Variants in KIRREL3 observed in about 807,000 individuals in gnomAD.
KIRREL3 encodes kin of IRRE-like protein 3.
Under a neutral mutation model 89.7 loss-of-function variants are expected in KIRREL3, and 36 were observed. The observed-to-expected ratio is 0.40, with a 90% CI of 0.31 to 0.53. KIRREL3 has a LOEUF of 0.53. Among genes scored for constraint, KIRREL3 ranks in the 20% least tolerant of loss-of-function variants. KIRREL3 has a pLI of 0.49. For synonymous variants in KIRREL3, 445 were observed against 441.4 expected (o/e 1.01, Z -0.10); for missense variants, 864 against 1,056.6 (o/e 0.82, Z 2.53).
At chr11:126,502,735 C>T (rs1232463568) in intron 4 of KIRREL3, among the ~76,000 whole-genome samples, 1 of 152,262 alleles carries the variant, frequency 6.6e-6, no homozygotes, top group Non-Finnish European at 1.5e-5. Flanking sequence ...AGCCCAGCTT[C>T]TGGCTCTCCG....
rs1206975083 is a variant in KIRREL3 at position 126,636,603 on chromosome 11, G to T, written c.56-73691C>A. ...TCTCTGAGTCTTACCTTAGTCTCCT[G>T]TCTTTTCTTCTGCCCTCCTGGACCC... is the stretch of plus-strand genomic sequence containing the variant. On this transcript the variant is annotated intron_variant, in intron 1 of 16. Transcript: ENST00000525144. The surrounding 1 kb of genome is among the most constrained non-coding windows in gnomAD (Gnocchi z 4.4). Among the ~76,000 whole-genome samples, 6 of 152,188 alleles carry T rather than the reference G, an allele frequency of 3.9e-5. No homozygotes were observed. Among genetic ancestry groups the T allele is most frequent in the African/African-American group, 1.4e-4 (6 of 41,442 alleles).
intron 1 of KIRREL3, among the ~76,000 whole-genome samples, chr11:126,619,482 T>C (rs778012357): frequency 1.3e-5 from 2 of 152,160 alleles, no homozygotes; most frequent in East Asian, 3.8e-4. Flanking sequence ...ATTCACATTT[T>C]AAAAAAAGAT....
rs553400600 is a variant in KIRREL3 at position 126,745,896 on chromosome 11, T to A, written c.56-182984A>T. Among the ~76,000 whole-genome samples, 4 of 152,336 alleles carry A rather than the reference T, an allele frequency of 2.6e-5. No homozygotes were observed. In the South Asian group the frequency reaches 8.3e-4, roughly 32 times the overall value. On this transcript the variant is annotated intron_variant, in intron 1 of 16. Coordinates refer to ENST00000525144, the MANE Select transcript of KIRREL3 (RefSeq NM_032531.4). The stretch of plus-strand genomic sequence containing the variant: ...GTTTATCAATGTACAAGTCCCTCCC[T>A]GCCTTACTCCTGAAAGGGGCACACT...
At position 126,429,202 on chromosome 11, in the gene KIRREL3, GCTCCTCAC is replaced by G; in HGVS notation, c.1775_1782del (p.Gly592AlafsTer13). The G allele has an allele frequency of 6.2e-7, 1 of 1,612,894 alleles. No homozygotes were observed. The highest frequency in any genetic ancestry group is 1.1e-5 in the South Asian group (1 of 91,040). ...ACCATCAGCTGCTTGATGGTGGAGT[GCTCCTCAC>G]CCTCCCGACCAGAGGCTGGTTCCTT... On this transcript the variant is annotated frameshift_variant, in exon 15 of 17. Transcript: ENST00000525144. LOFTEE classifies it high-confidence loss of function. This position sits in a 1 kb window ranked among gnomAD's most constrained non-coding sequence, Gnocchi z 5.2.
At position 126,825,958 on chromosome 11, in the gene KIRREL3, T is replaced by G. The variant is rs368987944; in HGVS notation, c.55+174497A>C. Among the ~76,000 whole-genome samples the G allele has an allele frequency of 1.4e-4, 21 of 152,346 alleles. No individual in the cohort carries two copies. The East Asian group carries it at 3.7e-3, about 27-fold the overall frequency. ...ATCATATCAAGGAGAATCTTCCTTT[T>G]GGATTTTTCCCAGTTGGGTTCAGCC... On this transcript the variant is annotated intron_variant, in intron 1 of 16. Transcript: ENST00000525144.
rs1298772545 is a variant in KIRREL3, at chr11:126,569,127, C to A, written c.56-6215G>T. Among the ~76,000 whole-genome samples, 4 of 152,000 alleles carry A rather than the reference C, an allele frequency of 2.6e-5. No homozygotes were observed. Among genetic ancestry groups the A allele is most frequent in the Non-Finnish European group, 5.9e-5 (4 of 68,002 alleles). On this transcript the variant is annotated intron_variant, in intron 1 of 16. Coordinates refer to ENST00000525144, the MANE Select transcript of KIRREL3 (RefSeq NM_032531.4). This position sits in a 1 kb window ranked among gnomAD's most constrained non-coding sequence, Gnocchi z 6.5. ...AAGCAGAGGAAGAGGGCAAGGATGA[C>A]CCCAGTGTCTTTTGTGGGATATAAT...
chr11:126,722,059 C>T (rs1294214490), intron 1 of KIRREL3, among the ~76,000 whole-genome samples: 9 of 152,226 alleles, frequency 5.9e-5, no homozygotes, highest in African/African-American at 7.2e-5. Context: ...TCATAATTTC[C>T]ACTTCCAGCC....
chr11:126,958,564 C>T (rs1948991702), intron 1 of KIRREL3, among the ~76,000 whole-genome samples: 1 of 152,198 alleles, frequency 6.6e-6, no homozygotes, highest in Non-Finnish European at 1.5e-5. Context: ...CAGGGATATG[C>T]CTGCCTCTTT....
At chr11:126,473,551 G>T in intron 4 of KIRREL3, 85 bp from the exon 5 acceptor site, 1 of 1,164,194 alleles carries the variant, frequency 8.6e-7, no homozygotes, top group Non-Finnish European at 1.2e-6. Context: ...TTGTGGAGAT[G>T]GCAACAAACA....
At chr11:126,699,605 T>C (rs1427047624) in intron 1 of KIRREL3, among the ~76,000 whole-genome samples, 2 of 152,208 alleles carry the variant, frequency 1.3e-5, no homozygotes, top group Non-Finnish European at 2.9e-5. Flanking sequence ...TTTACCTTTT[T>C]TTAGGTAATG....
At chr11:126,536,730 C>T (rs564833030) in intron 2 of KIRREL3, among the ~76,000 whole-genome samples, 3 of 150,692 alleles carry the variant, frequency 2.0e-5, no homozygotes, top group East Asian at 2.0e-4. Flanking sequence ...GCGCAACCTC[C>T]GCCTCTTGGA....
intron 1 of KIRREL3, among the ~76,000 whole-genome samples, chr11:126,746,747 C>T (rs1257252157): frequency 6.6e-6 from 1 of 152,152 alleles, no homozygotes; most frequent in Non-Finnish European, 1.5e-5. Context: ...TTCAGGCCCT[C>T]GTTATCTCTA....
chr11:126,921,295 C>T (rs780851229), intron 1 of KIRREL3, among the ~76,000 whole-genome samples: 56 of 152,160 alleles, frequency 3.7e-4, no homozygotes, highest in Non-Finnish European at 7.1e-4. Context: ...TGCCGGCTAT[C>T]CTGGGTCTCC....
At chr11:126,667,101 CAG>C (rs1404792957) in intron 1 of KIRREL3, among the ~76,000 whole-genome samples, 4 of 152,184 alleles carry the variant, frequency 2.6e-5, no homozygotes, top group Middle Eastern at 3.2e-3. Context: ...AAAAAAGCTC[CAG>C]ACTACTCCAT....
At chr11:126,458,603 G>A (rs904531519) in intron 6 of KIRREL3, among the ~76,000 whole-genome samples, 2 of 152,218 alleles carry the variant, frequency 1.3e-5, no homozygotes, top group Admixed American at 1.3e-4. Context: ...AGGCACTGGG[G>A]AGAGAACTCT....
Position 126,474,589 on chromosome 11 carries a change from G to T in KIRREL3, c.434-1123C>A, listed in dbSNP as rs919614218. On this transcript the variant is annotated intron_variant, in intron 4 of 16. Coordinates refer to ENST00000525144, the MANE Select transcript of KIRREL3 (RefSeq NM_032531.4). The surrounding 1 kb of genome is among the most constrained non-coding windows in gnomAD (Gnocchi z 6.7). ...TCCAGCCCCTTCATCCCCAGAGGCAGCCTGATTCTCTCCTGTCCCAGCCTT... is the reference window on the plus strand; with the variant it reads ...TCCAGCCCCTTCATCCCCAGAGGCATCCTGATTCTCTCCTGTCCCAGCCTT... Among the ~76,000 whole-genome samples the T allele has an allele frequency of 1.3e-5, 2 of 152,234 alleles. No individual in the cohort carries two copies. The highest frequency in any genetic ancestry group is 6.5e-5 in the Admixed American group (1 of 15,284).
chr11:126,435,775 C>T (rs1486030101), intron 12 of KIRREL3, among the ~76,000 whole-genome samples: 1 of 152,186 alleles, frequency 6.6e-6, no homozygotes, highest in African/African-American at 2.4e-5. Context: ...CCTGGGGGCC[C>T]AGCTGAGACC....
At chr11:126,440,681 A>C in intron 10 of KIRREL3, 132 bp from the exon 11 acceptor site, 1 of 809,652 alleles carries the variant, frequency 1.2e-6, no homozygotes, top group Non-Finnish European at 2.1e-6. Flanking sequence ...TGTATGTGCA[A>C]GGTAAAGTGC....
intron 1 of KIRREL3, among the ~76,000 whole-genome samples, chr11:126,833,651 A>G (rs974954119): frequency 2.6e-5 from 4 of 152,226 alleles, no homozygotes; most frequent in African/African-American, 9.6e-5. Flanking sequence ...CAATGAATGT[A>G]TGGCCTCACA....
Sources: gnomAD v4.1 joint callset for allele counts (sites outside exome capture counted in the v4.1 genomes callset) on GRCh38, gnomAD v4.1.1 for gene constraint, Gnocchi (gnomAD v3.1) non-coding constraint, MANE v1.5 for transcripts, NCBI Gene and HGNC (gene_info 2026-07-23, HGNC 2026-07-21) for gene names.